Variants in MARCHF4 observed in about 807,000 individuals in gnomAD.
MARCHF4 encodes the protein membrane associated ring-CH-type finger 4, also known as E3 ubiquitin-protein ligase MARCHF4.
A neutral mutation model predicts 43.9 loss-of-function variants in MARCHF4; 14 were observed. The ratio of observed to expected loss-of-function variants is 0.32; its 90% CI spans 0.21 to 0.50. The LOEUF (loss-of-function observed/expected upper bound fraction) is 0.50. MARCHF4 is among the 20% of genes least tolerant of loss of function. The pLI is 0.98. For missense variants in MARCHF4, 468 were observed against 536.7 expected, an observed-to-expected ratio of 0.87 and a Z score of 1.27; for synonymous variants, 226 against 213.3, an observed-to-expected ratio of 1.06 and a Z score of -0.52.
intron 1 of MARCHF4, among the ~76,000 whole-genome samples, chr2:216,284,627 G>A (rs952197374): frequency 3.3e-5 from 5 of 152,054 alleles, no homozygotes; most frequent in South Asian, 2.1e-4. Context: ...CACCATGCCC[G>A]ACTAATTTTT....
intron 1 of MARCHF4, among the ~76,000 whole-genome samples, chr2:216,319,353 G>T: frequency 6.6e-6 from 1 of 152,040 alleles, no homozygotes; most frequent in Non-Finnish European, 1.5e-5. Flanking sequence ...TACCACCACA[G>T]GGGCAATGGA....
At chr2:216,316,142 A>C (rs78630439) in intron 1 of MARCHF4, among the ~76,000 whole-genome samples, 2,619 of 152,332 alleles carry the variant, frequency 0.017, 78 homozygotes, top group African/African-American at 0.06. Flanking sequence ...ACCACAGCTC[A>C]GACGCAGGTG....
chr2:216,266,162 G>A (rs555255696), intron 3 of MARCHF4: 41 of 152,306 alleles, frequency 2.7e-4, no homozygotes, highest in Non-Finnish European at 5.1e-4. Context: ...CAGTGAGTAT[G>A]TATTAATATT....
intron 1 of MARCHF4, among the ~76,000 whole-genome samples, chr2:216,348,034 T>G (rs866073956): frequency 1.9e-3 from 113 of 60,272 alleles, no homozygotes; most frequent in Non-Finnish European, 3.2e-3. Flanking sequence ...AAGGCATTCT[T>G]TTTTTTTTTT....
intron 1 of MARCHF4, among the ~76,000 whole-genome samples, chr2:216,358,418 T>G (rs1006955942): frequency 2.6e-5 from 4 of 152,220 alleles, no homozygotes; most frequent in African/African-American, 7.2e-5. Context: ...TGTCCAGTTT[T>G]TAGAACATTC....
intron 2 of MARCHF4, among the ~76,000 whole-genome samples, chr2:216,281,149 A>T (rs1173260466): frequency 6.7e-6 from 1 of 149,648 alleles, no homozygotes; most frequent in African/African-American, 2.5e-5. Flanking sequence ...GCTCACTACA[A>T]CCTAGACCTC....
At chr2:216,291,164 C>A (rs749330261) in intron 1 of MARCHF4, among the ~76,000 whole-genome samples, 1 of 152,036 alleles carries the variant, frequency 6.6e-6, no homozygotes, top group Non-Finnish European at 1.5e-5. Context: ...GTAGAAGAAC[C>A]AGCAGAAGAG....
chr2:216,284,907 C>G (rs747160763), intron 1 of MARCHF4, among the ~76,000 whole-genome samples: 2 of 152,192 alleles, frequency 1.3e-5, no homozygotes, highest in Non-Finnish European at 2.9e-5. Flanking sequence ...CCGCCTCCTA[C>G]TGGGAGTGGT....
At chr2:216,348,471 G>C (rs1198738463) in intron 1 of MARCHF4, among the ~76,000 whole-genome samples, 1 of 152,178 alleles carries the variant, frequency 6.6e-6, no homozygotes, top group Non-Finnish European at 1.5e-5. Context: ...GGTGATGAGA[G>C]TGACCTCTGG....
chr2:216,275,333 G>A (rs746009143), intron 3 of MARCHF4, among the ~76,000 whole-genome samples: 4 of 152,164 alleles, frequency 2.6e-5, no homozygotes, highest in Non-Finnish European at 4.4e-5. Flanking sequence ...AGGCCAGGCT[G>A]AGCGGGAGTG....
chr2:216,363,902 G>C (rs932607225), intron 1 of MARCHF4, among the ~76,000 whole-genome samples: 2 of 152,154 alleles, frequency 1.3e-5, no homozygotes, highest in Non-Finnish European at 2.9e-5. Flanking sequence ...ATGACCCCTT[G>C]AATTGGAGAG....
intron 1 of MARCHF4, among the ~76,000 whole-genome samples, chr2:216,353,825 G>A (rs1226747075): frequency 1.3e-5 from 2 of 152,206 alleles, no homozygotes; most frequent in Non-Finnish European, 2.9e-5. Context: ...TGGGATTACA[G>A]GCATGAGCGA....
At chr2:216,331,059 G>C (rs1055927225) in intron 1 of MARCHF4, among the ~76,000 whole-genome samples, 2 of 151,994 alleles carry the variant, frequency 1.3e-5, no homozygotes, top group Non-Finnish European at 2.9e-5. Context: ...ATGCACCTTA[G>C]AGAAAGTCAA....
intron 1 of MARCHF4, among the ~76,000 whole-genome samples, chr2:216,320,607 TTTTC>T (rs552086212): frequency 0.13 from 14,505 of 111,316 alleles, 1,352 homozygotes; most frequent in Non-Finnish European, 0.16. Flanking sequence ...TATAGCCTCT[TTTTC>T]TTTCTTTCTT....
At chr2:216,292,865 C>G (rs1293452280) in intron 1 of MARCHF4, among the ~76,000 whole-genome samples, 1 of 152,128 alleles carries the variant, frequency 6.6e-6, no homozygotes, top group Non-Finnish European at 1.5e-5. Flanking sequence ...CTCTACAGAC[C>G]TGTGGGAGGT....
chr2:216,289,151 A>G (rs1691265805), intron 1 of MARCHF4, among the ~76,000 whole-genome samples: 1 of 151,216 alleles, frequency 6.6e-6, no homozygotes. Context: ...ATCTCAGCTC[A>G]CTGCAAGGCT....
chr2:216,340,885 C>T (rs1170836599), intron 1 of MARCHF4, among the ~76,000 whole-genome samples: 1 of 152,102 alleles, frequency 6.6e-6, no homozygotes, highest in African/African-American at 2.4e-5. Context: ...AAACTGAGGC[C>T]CAGAGAAGTG....
intron 3 of MARCHF4, 63 bp downstream of exon 3, chr2:216,277,609 G>T: frequency 6.7e-7 from 1 of 1,485,180 alleles, no homozygotes; most frequent in Non-Finnish European, 9.1e-7. Context: ...GATCCTGAGG[G>T]ATCTGTCCAT....
intron 1 of MARCHF4, among the ~76,000 whole-genome samples, chr2:216,288,153 T>C (rs1053647367): frequency 6.6e-6 from 1 of 152,080 alleles, no homozygotes; most frequent in Non-Finnish European, 1.5e-5. Context: ...TTTGTAGAGG[T>C]GAGATTTCAC....
Sources: allele counts gnomAD v4.1 joint callset (sites outside exome capture counted in the v4.1 genomes callset), GRCh38; gene constraint gnomAD v4.1.1; transcripts MANE v1.5; gene names NCBI Gene and HGNC (gene_info 2026-07-23, HGNC 2026-07-21).